Variants in PITPNC1 observed in about 807,000 individuals in gnomAD.
PITPNC1 encodes phosphatidylinositol transfer protein cytoplasmic 1.
In PITPNC1, 18 loss-of-function variants were observed where a neutral mutation model predicts 44.7. The ratio of observed to expected loss-of-function variants is 0.40; its 90% CI spans 0.28 to 0.60. The LOEUF is 0.60. PITPNC1 is among the 20% of genes least tolerant of loss of function. The probability of loss-of-function intolerance (pLI) is 0.39; values close to 1 mark genes in which losing one functional copy is unlikely to be tolerated. For missense variants in PITPNC1, 290 were observed against 418.4 expected (o/e 0.69, Z 2.68); for synonymous variants, 141 against 149.6 (o/e 0.94, Z 0.42).
At chr17:67,484,362 T>C (rs1011351134) in intron 1 of PITPNC1, among the ~76,000 whole-genome samples, 1 of 152,212 alleles carries the variant, frequency 6.6e-6, no homozygotes, top group Non-Finnish European at 1.5e-5. Context: ...GCCAACTTTT[T>C]CCATATTAAA....
intron 1 of PITPNC1, among the ~76,000 whole-genome samples, chr17:67,444,085 C>T (rs904249641): frequency 6.6e-6 from 1 of 151,974 alleles, no homozygotes; most frequent in African/African-American, 2.4e-5. Flanking sequence ...CCACATGTAC[C>T]CATCATCCAA....
chr17:67,617,831 G>A (rs937108821), intron 5 of PITPNC1, among the ~76,000 whole-genome samples: 1 of 152,024 alleles, frequency 6.6e-6, no homozygotes, highest in Non-Finnish European at 1.5e-5. Context: ...GATACCAGTC[G>A]TCAGATTTAG....
Position 67,425,250 on chromosome 17 carries a change from CACACACACACACAGAG to C in PITPNC1, c.48+47049_48+47064del, listed in dbSNP as rs1450366365. 2.1e-3 allele frequency among the ~76,000 whole-genome samples: 247 copies of C among 117,850 alleles called. 3 individuals carry two copies. Among genetic ancestry groups the C allele is most frequent in the Middle Eastern group, 4.7e-3 (1 of 212 alleles). 77.3% of individuals were successfully genotyped at this position (117,850 alleles called of 152,430 possible). On this transcript the variant is annotated intron_variant, in intron 1 of 8. Transcript: ENST00000581322. Reference sequence around the variant, plus strand: ...ACACACACACACACACACACACACACACACACACACACAGAGGGAGAGAGAGAGAGAAATGACCTCT... The same window carrying C: ...ACACACACACACACACACACACACACGGAGAGAGAGAGAGAAATGACCTCT...
chr17:67,604,484 A>C (rs1271841933), intron 5 of PITPNC1, among the ~76,000 whole-genome samples: 1 of 152,230 alleles, frequency 6.6e-6, no homozygotes, highest in Non-Finnish European at 1.5e-5. Flanking sequence ...AAATAAGTTA[A>C]AAATAAAACA....
chr17:67,434,182 T>G (rs1790284872), intron 1 of PITPNC1, among the ~76,000 whole-genome samples: 1 of 152,170 alleles, frequency 6.6e-6, no homozygotes, highest in African/African-American at 2.4e-5. Context: ...GGAATGAGGC[T>G]TATGGCTCCG....
chr17:67,520,745 T>C (rs2040315096), intron 1 of PITPNC1, among the ~76,000 whole-genome samples: 1 of 152,164 alleles, frequency 6.6e-6, no homozygotes, highest in South Asian at 2.1e-4. Context: ...CCAACTGCCC[T>C]TGTGGTTTCG....
At chr17:67,555,672 CAAAAAAAAAAAA>C (rs67935513) in intron 4 of PITPNC1, among the ~76,000 whole-genome samples, 2 of 78,140 alleles carry the variant, frequency 2.6e-5, no homozygotes, top group African/African-American at 7.8e-5. Context: ...ACTAAAAATA[CAAAAAAAAAAAA>C]AAAAAAAAAG....
At chr17:67,389,762 C>T (rs1394254320) in intron 1 of PITPNC1, among the ~76,000 whole-genome samples, 10 of 152,104 alleles carry the variant, frequency 6.6e-5, no homozygotes, top group Non-Finnish European at 1.0e-4. Flanking sequence ...TCACTGCACC[C>T]TCCGCTTCCT....
At chr17:67,665,845 CTTTTT>C (rs11290420) in intron 6 of PITPNC1, among the ~76,000 whole-genome samples, 1 of 135,734 alleles carries the variant, frequency 7.4e-6, no homozygotes, top group Non-Finnish European at 1.6e-5. Flanking sequence ...CACTGAAGTA[CTTTTT>C]TTTTTTTTTT....
chr17:67,380,078 C>CTTTTT (rs527469040), intron 1 of PITPNC1, among the ~76,000 whole-genome samples: 1 of 139,650 alleles, frequency 7.2e-6, no homozygotes, highest in Non-Finnish European at 1.6e-5. Context: ...CTTTTCTTTT[C>CTTTTT]TTTTTTTTTT....
intron 1 of PITPNC1, among the ~76,000 whole-genome samples, chr17:67,416,726 C>T (rs748321031): frequency 6.6e-6 from 1 of 152,154 alleles, no homozygotes; most frequent in African/African-American, 2.4e-5. Flanking sequence ...CAACTTGGCA[C>T]CTATGTCACC....
chr17:67,399,157 G>A (rs1425293896), intron 1 of PITPNC1, among the ~76,000 whole-genome samples: 1 of 151,964 alleles, frequency 6.6e-6, no homozygotes, highest in African/African-American at 2.4e-5. Flanking sequence ...TGGGATTACA[G>A]GCACATGCCA....
intron 1 of PITPNC1, among the ~76,000 whole-genome samples, chr17:67,421,905 C>A (rs538414679): frequency 6.6e-6 from 1 of 152,296 alleles, no homozygotes; most frequent in Admixed American, 6.5e-5. Context: ...ACAGCCAAGG[C>A]AATGAGAGAC....
At chr17:67,540,827 A>G (rs2040596250) in intron 2 of PITPNC1, among the ~76,000 whole-genome samples, 1 of 152,340 alleles carries the variant, frequency 6.6e-6, no homozygotes, top group Middle Eastern at 3.4e-3. Flanking sequence ...ATTTGGTCCT[A>G]TTGGATTTTT....
chr17:67,603,438 C>T (rs552663076), intron 5 of PITPNC1, among the ~76,000 whole-genome samples: 2 of 152,246 alleles, frequency 1.3e-5, no homozygotes, highest in South Asian at 2.1e-4. Flanking sequence ...CTTTAGATAG[C>T]CACAGTCTCA....
intron 1 of PITPNC1, among the ~76,000 whole-genome samples, chr17:67,425,159 ACC>A (rs1567984494): frequency 1.3e-4 from 19 of 146,786 alleles, no homozygotes; most frequent in South Asian, 2.2e-4. Context: ...GCCCGCCTGC[ACC>A]CAGGTGAAAT....
chr17:67,505,319 C>T (rs1261074279), intron 1 of PITPNC1, among the ~76,000 whole-genome samples: 1 of 152,156 alleles, frequency 6.6e-6, no homozygotes, highest in East Asian at 1.9e-4. Flanking sequence ...ACTAAGGTCT[C>T]CAACTATAGT....
chr17:67,435,226 G>C (rs923742317), intron 1 of PITPNC1, among the ~76,000 whole-genome samples: 1 of 151,948 alleles, frequency 6.6e-6, no homozygotes, highest in Non-Finnish European at 1.5e-5. Flanking sequence ...TCTGTAAAAC[G>C]GAAATTATAA....
chr17:67,652,279 C>T (rs2042217793), intron 6 of PITPNC1, among the ~76,000 whole-genome samples: 1 of 152,176 alleles, frequency 6.6e-6, no homozygotes, highest in South Asian at 2.1e-4. Context: ...CTCCTGTGGG[C>T]TTCTCCTTGC....
Sources: gnomAD v4.1 joint callset for allele counts (sites outside exome capture counted in the v4.1 genomes callset) on GRCh38, gnomAD v4.1.1 for gene constraint, MANE v1.5 for transcripts, NCBI Gene and HGNC (gene_info 2026-07-23, HGNC 2026-07-21) for gene names.